The following XKR6 variants were observed in gnomAD, a reference collection of about 807,000 sequenced individuals.
XKR6 encodes XK related 6, also known as XK-related protein 6.
A neutral mutation model predicts 56.7 loss-of-function variants in XKR6; 22 were observed. The observed-to-expected ratio is 0.39, with a 90% confidence interval of 0.28 to 0.55. The LOEUF is 0.55. Among genes scored for constraint, XKR6 ranks in the 20% least tolerant of loss-of-function variants. The probability of loss-of-function intolerance (pLI) is 0.66; values close to 1 mark genes in which losing one functional copy is unlikely to be tolerated. For synonymous variants in XKR6, 524 were observed against 387.8 expected (o/e 1.35, Z -4.13); for missense variants, 852 against 889.0 (o/e 0.96, Z 0.53).
At chr8:10,949,838 C>T (rs1586343874) in intron 1 of XKR6, among the ~76,000 whole-genome samples, 1 of 152,104 alleles carries the variant, frequency 6.6e-6, no homozygotes, top group East Asian at 1.9e-4. Context: ...GGAGGTGAAT[C>T]TCAGCAGCAT....
At chr8:11,038,691 C>T (rs1305936766) in intron 1 of XKR6, among the ~76,000 whole-genome samples, 4 of 152,112 alleles carry the variant, frequency 2.6e-5, no homozygotes, top group Non-Finnish European at 4.4e-5. Context: ...CTCACCACCA[C>T]GCCTGGCTAA....
rs1190506072 is a variant in XKR6, at chr8:11,123,830, C to T, written c.764+76746G>A. On this transcript the variant is annotated intron_variant, in intron 1 of 2. Transcript: ENST00000416569. ...AGACACTATTTGGAAATAAACACAC[C>T]AAGGCAGTTCCAGTGTCCCGTGGTC... 8 of 456,234 alleles carry T rather than the reference C, an allele frequency of 1.8e-5. No homozygotes were observed. In the Admixed American group the frequency reaches 1.9e-4, roughly 11 times the overall value. 28.3% of individuals were successfully genotyped at this position (456,234 alleles called of 1,614,324 possible).
At chr8:10,942,391 C>G (rs988921762) in intron 1 of XKR6, among the ~76,000 whole-genome samples, 1 of 152,220 alleles carries the variant, frequency 6.6e-6, no homozygotes, top group Non-Finnish European at 1.5e-5. Context: ...ACATCCGCCA[C>G]GGCCCTGAGT....
intron 1 of XKR6, among the ~76,000 whole-genome samples, chr8:11,087,676 G>A (rs1270708592): frequency 6.6e-6 from 1 of 152,152 alleles, no homozygotes; most frequent in African/African-American, 2.4e-5. Flanking sequence ...GAGGGAACCT[G>A]GACTTCCAAT....
intron 1 of XKR6, among the ~76,000 whole-genome samples, chr8:11,014,476 A>C (rs1798572328): frequency 6.6e-6 from 1 of 152,150 alleles, no homozygotes; most frequent in Non-Finnish European, 1.5e-5. Context: ...GGCCCTGCAA[A>C]CACTTCCAGT....
chr8:11,025,558 G>A (rs1447434589), intron 1 of XKR6, among the ~76,000 whole-genome samples: 1 of 152,174 alleles, frequency 6.6e-6, no homozygotes, highest in African/African-American at 2.4e-5. Context: ...CACAACTAAT[G>A]CCAGGCTTGG....
At chr8:11,063,580 A>G (rs1799901383) in intron 1 of XKR6, among the ~76,000 whole-genome samples, 1 of 151,758 alleles carries the variant, frequency 6.6e-6, no homozygotes, top group South Asian at 2.1e-4. Context: ...ATCTATTATT[A>G]CAGCACCCAG....
intron 1 of XKR6, among the ~76,000 whole-genome samples, chr8:11,140,889 C>T (rs2116933539): frequency 8.3e-6 from 1 of 120,746 alleles, no homozygotes; most frequent in African/African-American, 3.8e-5. Context: ...CAGAGCGAGA[C>T]TCTGTCTCAA....
intron 1 of XKR6, among the ~76,000 whole-genome samples, chr8:11,067,249 G>A (rs531328720): frequency 1.3e-4 from 20 of 152,274 alleles, no homozygotes; most frequent in African/African-American, 3.9e-4. Flanking sequence ...AGCCTGGGGC[G>A]GCAGCTTGAG....
At chr8:11,014,820 C>G (rs1285419874) in intron 1 of XKR6, among the ~76,000 whole-genome samples, 1 of 152,104 alleles carries the variant, frequency 6.6e-6, no homozygotes, top group Non-Finnish European at 1.5e-5. Flanking sequence ...CAAACCTGCA[C>G]GCGTACCCCC....
intron 1 of XKR6, among the ~76,000 whole-genome samples, chr8:11,151,862 C>T (rs1254503769): frequency 6.6e-6 from 1 of 152,098 alleles, no homozygotes; most frequent in Non-Finnish European, 1.5e-5. Context: ...AACCTGTACT[C>T]ATACTACAAT....
intron 1 of XKR6, among the ~76,000 whole-genome samples, chr8:11,013,026 G>A (rs902388125): frequency 1.3e-5 from 2 of 152,200 alleles, no homozygotes; most frequent in Non-Finnish European, 2.9e-5. Context: ...TCGGCTTGAA[G>A]ATGAAACGAG....
At position 11,144,328 on chromosome 8, in the gene XKR6, T is replaced by A. The variant is rs564082786; in HGVS notation, c.764+56248A>T. 2.7e-5 allele frequency among the ~76,000 whole-genome samples: 4 copies of A among 149,584 alleles called. No homozygotes were observed. The East Asian group carries it at 7.8e-4, about 29-fold the overall frequency. ...CATGAAATAAAGGAAGAAGCGGGTA[T>A]AACCCCAGAAGGAAAGACAGAAGTG... On this transcript the variant is annotated intron_variant, in intron 1 of 2. Coordinates refer to ENST00000416569, the MANE Select transcript of XKR6 (RefSeq NM_173683.4).
intron 1 of XKR6, among the ~76,000 whole-genome samples, chr8:11,095,111 C>T (rs1054331888): frequency 6.6e-6 from 1 of 152,186 alleles, no homozygotes; most frequent in African/African-American, 2.4e-5. Context: ...AACGAGAAAG[C>T]CTGCAGCTCC....
At chr8:11,070,016 G>A (rs372118142) in intron 1 of XKR6, among the ~76,000 whole-genome samples, 1 of 152,148 alleles carries the variant, frequency 6.6e-6, no homozygotes, top group South Asian at 2.1e-4. Context: ...GTTTCCTAAA[G>A]GGATCTTCTG....
chr8:11,115,197 T>A (rs1799115758), intron 1 of XKR6, among the ~76,000 whole-genome samples: 1 of 152,206 alleles, frequency 6.6e-6, no homozygotes, highest in Non-Finnish European at 1.5e-5. Context: ...TGACCTCAAC[T>A]CATCATGTGT....
intron 1 of XKR6, among the ~76,000 whole-genome samples, chr8:11,075,622 C>A (rs1023084575): frequency 6.6e-6 from 1 of 152,290 alleles, no homozygotes; most frequent in Admixed American, 6.5e-5. Context: ...CGGTAGCTCA[C>A]ATCTGTAATC....
chr8:11,166,622 G>C (rs1023633985), intron 1 of XKR6, among the ~76,000 whole-genome samples: 11 of 151,806 alleles, frequency 7.2e-5, no homozygotes, highest in African/African-American at 2.4e-4. Context: ...GCTCAGGCTG[G>C]AGTGCCATGG....
At chr8:11,040,922 G>T (rs748967663) in intron 1 of XKR6, among the ~76,000 whole-genome samples, 1 of 152,182 alleles carries the variant, frequency 6.6e-6, no homozygotes, top group Non-Finnish European at 1.5e-5. Flanking sequence ...GGGGCCTGAA[G>T]AAGACTCCCA....
Sources: allele counts gnomAD v4.1 joint callset (sites outside exome capture counted in the v4.1 genomes callset), GRCh38; gene constraint gnomAD v4.1.1; transcripts MANE v1.5; gene names NCBI Gene and HGNC (gene_info 2026-07-23, HGNC 2026-07-21).